Variants in ROPN1 observed in about 807,000 individuals in gnomAD.
ROPN1 encodes ropporin-1A.
In ROPN1, 14 loss-of-function variants were observed where a neutral mutation model predicts 20.5. The ratio of observed to expected loss-of-function variants is 0.68; its 90% CI spans 0.45 to 1.07. ROPN1 has a LOEUF of 1.07. Ranked by LOEUF, ROPN1 falls within the 50% of genes least tolerant of loss-of-function variation. The pLI, the probability that ROPN1 is intolerant of heterozygous loss-of-function variation, is 0.00. For synonymous variants in ROPN1, 76 were observed against 95.7 expected (o/e 0.79, Z 1.20); for missense variants, 169 against 242.8 (o/e 0.70, Z 2.02).
chr3:123,970,270 T>C, intron 4 of ROPN1, 53 bp from the exon 5 acceptor site: 3 of 1,527,284 alleles, frequency 2.0e-6, no homozygotes, highest in East Asian at 2.3e-5. Flanking sequence ...GCAATATTCC[T>C]GAGATCGGTT....
intron 1 of ROPN1, among the ~76,000 whole-genome samples, chr3:123,985,438 A>G (rs1428854709): frequency 1.3e-5 from 2 of 152,202 alleles, no homozygotes; most frequent in African/African-American, 2.4e-5. Flanking sequence ...CAAAGAAGTT[A>G]TATGATTTTT....
chr3:123,976,935 G>T lies in ROPN1; in HGVS notation c.163C>A (p.Arg55=). The T allele has an allele frequency of 6.2e-7, 1 of 1,614,022 alleles. No homozygotes were observed. Among genetic ancestry groups the T allele is most frequent in the South Asian group, 1.1e-5 (1 of 91,046 alleles). ...TTACACAAAGCGACTCGCTCAGACC[G>T]CTCTCTCACCGGAGGCGTCTCTCCA... The part of the protein sequence containing the change: ...SRGETPPVRE[R]SERVALCNRA... The change falls in exon 3 of 6, where the codon CGG becomes AGG. Residue 55 remains arginine, a synonymous_variant. Coordinates refer to ENST00000405845, the MANE Select transcript of ROPN1 (RefSeq NM_001317774.2).
In ROPN1 at chr3:123,976,996, G is replaced by A; in HGVS notation, c.117-15C>T. ...CCTCAAAATAACTACAAGAAAAAAA[G>A]TCAGAGAGTAGGAGGATCCTATACA... On this transcript the variant is annotated splice_polypyrimidine_tract_variant and intron_variant, in intron 2 of 5. Coordinates refer to ENST00000405845, the MANE Select transcript of ROPN1 (RefSeq NM_001317774.2). 2 of 1,605,356 alleles carry A rather than the reference G, an allele frequency of 1.2e-6. No homozygotes were observed. Among genetic ancestry groups the A allele is most frequent in the Non-Finnish European group, 1.7e-6 (2 of 1,175,630 alleles).
At chr3:123,970,247 G>A in intron 4 of ROPN1, 30 bp from the exon 5 acceptor site, 1 of 1,588,530 alleles carries the variant, frequency 6.3e-7, no homozygotes, top group Middle Eastern at 1.7e-4. Context: ...TGAGGAGAAA[G>A]TTACTCTTCC....
chr3:123,970,432 T>C (rs1454255043), intron 4 of ROPN1, among the ~76,000 whole-genome samples: 3 of 152,230 alleles, frequency 2.0e-5, no homozygotes, highest in Non-Finnish European at 4.4e-5. Context: ...TTTTCTTTCT[T>C]TGTTGGAAGA....
intron 1 of ROPN1, among the ~76,000 whole-genome samples, chr3:123,985,992 C>CAAAAAAAAAAAAAAAAAAAAAAAAAAAA (rs35677015): frequency 3.6e-4 from 8 of 22,138 alleles, no homozygotes; most frequent in African/African-American, 7.3e-4. Flanking sequence ...GACCTTGTCT[C>CAAAAAAAAAAAAAAAAAAAAAAAAAAAA]AAAAAAAAAA....
intron 2 of ROPN1, chr3:123,979,503 TC>T (rs2038091617): frequency 2.7e-6 from 1 of 373,752 alleles, no homozygotes; most frequent in Admixed American, 3.3e-5. Context: ...AAGTCCTGGT[TC>T]CCCAGTTTCA....
rs1174399081 is a variant in ROPN1, at chr3:123,977,049, C to T, written c.117-68G>A. ...AGTGGCCTCTGGCTGTTCTAGCAATCCTTCCACCTTCTTCTGAGGGAAGGA... is the reference window on the plus strand; with the variant it reads ...AGTGGCCTCTGGCTGTTCTAGCAATTCTTCCACCTTCTTCTGAGGGAAGGA... On this transcript the variant is annotated intron_variant, in intron 2 of 5. Coordinates refer to ENST00000405845, the MANE Select transcript of ROPN1 (RefSeq NM_001317774.2). The T allele has an allele frequency of 2.5e-4, 365 of 1,466,114 alleles. 2 individuals carry two copies. The East Asian group carries it at 8.5e-3, about 34-fold the overall frequency. The allele number at this position is 1,466,114 out of a possible 1,614,324, so 90.8% of individuals were successfully genotyped here.
intron 1 of ROPN1, among the ~76,000 whole-genome samples, chr3:123,984,858 T>C (rs916292097): frequency 8.5e-5 from 13 of 152,186 alleles, no homozygotes; most frequent in Non-Finnish European, 1.6e-4. Context: ...CTAGCCGGCT[T>C]ACTTGAAGTG....
At chr3:123,972,509 C>A (rs145098143) in intron 4 of ROPN1, among the ~76,000 whole-genome samples, 1 of 152,342 alleles carries the variant, frequency 6.6e-6, no homozygotes, top group African/African-American at 2.4e-5. Context: ...TACGTGATCT[C>A]TTCCTTTTTT....
At chr3:123,990,722 C>T (rs192660700) in intron 1 of ROPN1, among the ~76,000 whole-genome samples, 4 of 152,308 alleles carry the variant, frequency 2.6e-5, no homozygotes, top group African/African-American at 9.6e-5. Context: ...CAGAGCTTAT[C>T]CATAACCCCA....
intron 1 of ROPN1, among the ~76,000 whole-genome samples, chr3:123,988,223 G>C (rs867378479): frequency 2.6e-5 from 4 of 151,812 alleles, no homozygotes; most frequent in Non-Finnish European, 5.9e-5. Context: ...TTGGCTCACT[G>C]CAACTTCCAC....
chr3:123,970,100 C>A lies in ROPN1; in HGVS notation c.514G>T (p.Asp172Tyr), dbSNP rs1370818472. 7.4e-6 allele frequency: 12 copies of A among 1,614,184 alleles called. No homozygotes were observed. Among genetic ancestry groups the A allele is most frequent in the Admixed American group, 3.3e-5 (2 of 60,022 alleles). Residue 172 changes from aspartate (D) to tyrosine (Y), a missense_variant, in exon 5 of 6, where the codon GAT becomes TAT. Physicochemically the swap from Asp to Tyr is radical, Grantham distance 160. Coordinates refer to ENST00000405845, the MANE Select transcript of ROPN1 (RefSeq NM_001317774.2). Reference protein sequence around the residue: ...QFLYTYIAKVDGEISASHVSR... With the variant: ...QFLYTYIAKVYGEISASHVSR... ...ACATGTGATGCAGAGATCTCCCCAT[C>A]CACTTTGGCAATATACGTGTAGAGA...
chr3:123,989,268 A>G (rs567981783), intron 1 of ROPN1, among the ~76,000 whole-genome samples: 1 of 152,328 alleles, frequency 6.6e-6, no homozygotes, highest in Admixed American at 6.5e-5. Flanking sequence ...AATATAGCTC[A>G]AGGCTTGGGC....
intron 2 of ROPN1, among the ~76,000 whole-genome samples, chr3:123,978,004 G>A (rs904275667): frequency 2.6e-5 from 4 of 152,146 alleles, no homozygotes; most frequent in Admixed American, 6.5e-5. Flanking sequence ...TTTCTGTCCC[G>A]CCCTGCTTTT....
At chr3:123,979,471 G>A (rs1008414401) in intron 2 of ROPN1, 27 of 362,258 alleles carry the variant, frequency 7.5e-5, no homozygotes, top group Non-Finnish European at 1.4e-4. Flanking sequence ...GTGAGGTCTA[G>A]TTATCTTCCA....
intron 1 of ROPN1, among the ~76,000 whole-genome samples, chr3:123,985,164 G>A (rs970391637): frequency 5.3e-5 from 8 of 152,294 alleles, no homozygotes; most frequent in African/African-American, 1.9e-4. Flanking sequence ...GATACTGTTT[G>A]GCACAGTCAG....
chr3:123,983,168 C>T (rs2148998949), intron 1 of ROPN1, among the ~76,000 whole-genome samples: 1 of 152,270 alleles, frequency 6.6e-6, no homozygotes, highest in Admixed American at 6.5e-5. Flanking sequence ...ATTCATAGGT[C>T]AATGGACAGT....
At chr3:123,974,691 A>G (rs2037982608) in intron 4 of ROPN1, 1 of 152,570 alleles carries the variant, frequency 6.6e-6, no homozygotes, top group South Asian at 2.1e-4. Context: ...CACGTTTTTG[A>G]TTCATTTTAA....
Sources: allele counts gnomAD v4.1 joint callset (sites outside exome capture counted in the v4.1 genomes callset), GRCh38; gene constraint gnomAD v4.1.1; transcripts MANE v1.5; gene names NCBI Gene and HGNC (gene_info 2026-07-23, HGNC 2026-07-21).